The following LOXL3 variants were observed in gnomAD, a reference collection of about 807,000 sequenced individuals.
LOXL3 encodes lysyl oxidase homolog 3.
LOXL3 carries 60 observed loss-of-function variants against 91.8 expected under a neutral mutation model. The ratio of observed to expected loss-of-function variants is 0.65; its 90% CI spans 0.53 to 0.81. LOXL3 has a LOEUF of 0.81. Among genes scored for constraint, LOXL3 ranks in the 30% least tolerant of loss-of-function variants. The pLI is 0.00. For synonymous variants in LOXL3, 355 were observed against 387.6 expected, an observed-to-expected ratio of 0.92 and a Z score of 0.99; for missense variants, 874 against 1,000.4, an observed-to-expected ratio of 0.87 and a Z score of 1.70.
rs377049786 is a variant in LOXL3 at position 74,536,738 on chromosome 2, T to C, written c.883A>G (p.Lys295Glu). The change falls in exon 5 of 14, where the codon AAG becomes GAG. Residue 295 changes from lysine to glutamate, a missense_variant. Transcript: ENST00000264094. The surrounding 1 kb of genome is among the most constrained non-coding windows in gnomAD (Gnocchi z 4.5). ...PVYAASSGQK[K>E]QQQSKPQGEA... ...CCCTGAGGCTTCGACTGTTGTTGCTTCTTCTGGCCACTGGATGCCGCGTAG... is the reference window on the plus strand; with the variant it reads ...CCCTGAGGCTTCGACTGTTGTTGCTCCTTCTGGCCACTGGATGCCGCGTAG... 6.2e-7 allele frequency: 1 copy of C among 1,614,012 alleles called. No individual in the cohort carries two copies. The highest frequency in any genetic ancestry group is 1.3e-5 in the African/African-American group (1 of 74,926).
chr2:74,543,266 CTCTT>C (rs1465543921), intron 4 of LOXL3, among the ~76,000 whole-genome samples: 2 of 152,174 alleles, frequency 1.3e-5, no homozygotes, highest in East Asian at 3.8e-4. Flanking sequence ...ATTTGTGGAG[CTCTT>C]TCTTAGGCAT....
At chr2:74,540,023 A>G (rs1573011323) in intron 4 of LOXL3, among the ~76,000 whole-genome samples, 3 of 151,914 alleles carry the variant, frequency 2.0e-5, no homozygotes, top group East Asian at 3.9e-4. Flanking sequence ...TTTTTTTTGT[A>G]TTTTTAGTAG....
chr2:74,555,335 C>G (rs1677358171), upstream of LOXL3: 1 of 1,613,832 alleles, frequency 6.2e-7, no homozygotes, highest in Admixed American at 1.7e-5. This position sits in a 1 kb window ranked among gnomAD's most constrained non-coding sequence, Gnocchi z 6.1. Flanking sequence ...GTGGAGACCC[C>G]CCCTGAGCCC....
intron 4 of LOXL3, among the ~76,000 whole-genome samples, chr2:74,540,781 C>G (rs543296690): frequency 4.6e-5 from 7 of 151,212 alleles, no homozygotes; most frequent in Non-Finnish European, 1.0e-4. Flanking sequence ...ATTCTCCCAC[C>G]TCAGCCTTCT....
In LOXL3 at chr2:74,535,617, C is replaced by A; in HGVS notation, c.1387G>T (p.Gly463Cys). Reference sequence around the variant, plus strand: ...AGGCCGTGGTTGGCGTAGCCCAGACCCAGTTGCCTACAGGCCACCATGGCC... The same window carrying A: ...AGGCCGTGGTTGGCGTAGCCCAGACACAGTTGCCTACAGGCCACCATGGCC... ...LEAMVACRQL[G>C]LGYANHGLQE... Residue 463 changes from glycine to cysteine, a missense_variant, in exon 8 of 14, where the codon GGT becomes TGT. Gly to Cys is a radical substitution (Grantham distance 159, BLOSUM62 -3). Coordinates refer to ENST00000264094, the MANE Select transcript of LOXL3 (RefSeq NM_032603.5). The surrounding 1 kb of genome is among the most constrained non-coding windows in gnomAD (Gnocchi z 4.2). 1.9e-6 allele frequency: 3 copies of A among 1,614,138 alleles called. No individual in the cohort carries two copies. The highest frequency in any genetic ancestry group is 2.5e-6 in the Non-Finnish European group (3 of 1,180,034).
At chr2:74,554,480 AG>A, upstream of LOXL3, 1 of 521,590 alleles carries the variant, frequency 1.9e-6, no homozygotes, top group Non-Finnish European at 3.4e-6. This position sits in a 1 kb window ranked among gnomAD's most constrained non-coding sequence, Gnocchi z 4.9. Flanking sequence ...CCACGCCCAG[AG>A]GCCAGGGCCC....
intron 1 of LOXL3, 47 bp from the exon 2 acceptor site, chr2:74,552,693 G>A (rs1018437306): frequency 2.1e-6 from 3 of 1,429,990 alleles, no homozygotes; most frequent in Non-Finnish European, 2.8e-6. Flanking sequence ...CAGATTGAGT[G>A]GGGCCCAGAG....
rs374812610 is a variant in LOXL3, at chr2:74,533,591, A to G, written c.*15T>C. ...CCATTAGGGGCCAGTGGTGGTTTGCAGAGGGCAGTGGCACTTAGATAATCT... is the reference window on the plus strand; with the variant it reads ...CCATTAGGGGCCAGTGGTGGTTTGCGGAGGGCAGTGGCACTTAGATAATCT... On this transcript the variant is annotated 3_prime_UTR_variant, in exon 14 of 14. Transcript: ENST00000264094. 1.5e-5 allele frequency: 25 copies of G among 1,613,178 alleles called. No individual in the cohort carries two copies. Among genetic ancestry groups the G allele is most frequent in the Non-Finnish European group, 2.1e-5 (25 of 1,179,382 alleles).
rs1485405733 is a variant in LOXL3 at position 74,536,480 on chromosome 2, G to T, written c.913-9C>A. ...TTTAGACGGACACGGGCCTATAGAA[G>T]AGAGAAGTGCCCAACAGAGGCAAAT... On this transcript the variant is annotated splice_polypyrimidine_tract_variant and intron_variant, in intron 5 of 13. Transcript: ENST00000264094. This position sits in a 1 kb window ranked among gnomAD's most constrained non-coding sequence, Gnocchi z 4.5. 1 of 1,609,688 alleles carries T rather than the reference G, an allele frequency of 6.2e-7. No homozygotes were observed.
Position 74,552,515 on chromosome 2 carries a change from C to T in LOXL3, c.120G>A (p.Gln40=), listed in dbSNP as rs1436405767. 1.2e-6 allele frequency: 2 copies of T among 1,613,536 alleles called. No homozygotes were observed. The highest frequency in any genetic ancestry group is 1.7e-6 in the Non-Finnish European group (2 of 1,179,922). Residue 40 remains glutamine (Q), a synonymous_variant, in exon 2 of 14, where the codon CAG becomes CAA. Transcript: ENST00000264094. ...AGCCAGCCAGCCGGAACCGAAGCCC[C>T]TGGCTCCCGGCCTTCTTCTCAGGGC... is the stretch of plus-strand genomic sequence containing the variant. ...STGPEKKAGS[Q]GLRFRLAGFP...
chr2:74,541,526 T>C (rs554170129), intron 4 of LOXL3, among the ~76,000 whole-genome samples: 5 of 152,324 alleles, frequency 3.3e-5, no homozygotes, highest in East Asian at 3.9e-4. Flanking sequence ...TACTGAGACA[T>C]TGCTAATAGT....
At chr2:74,553,343 C>T (rs950632243) in intron 1 of LOXL3, among the ~76,000 whole-genome samples, 2 of 152,208 alleles carry the variant, frequency 1.3e-5, no homozygotes, top group African/African-American at 4.8e-5. Flanking sequence ...TGCTGCACGC[C>T]CTCCCCAACA....
Position 74,536,579 on chromosome 2 carries a change from C to G in LOXL3, c.913-108G>C. 7.0e-7 allele frequency: 1 copy of G among 1,438,446 alleles called. No individual in the cohort carries two copies. Among genetic ancestry groups the G allele is most frequent in the Non-Finnish European group, 9.5e-7 (1 of 1,048,410 alleles). The allele number at this position is 1,438,446 out of a possible 1,614,324, so 89.1% of individuals were successfully genotyped here. A position where few individuals can be genotyped will look rare whatever the true frequency, so the allele number is the denominator to read the frequency against. On this transcript the variant is annotated intron_variant, in intron 5 of 13. Coordinates refer to ENST00000264094, the MANE Select transcript of LOXL3 (RefSeq NM_032603.5). The surrounding 1 kb of genome is among the most constrained non-coding windows in gnomAD (Gnocchi z 4.5). ...TTTGGTGGAAGGGAGTGGGTGGTAT[C>G]AGGTCTGTGGCCCACCCCCTGGAAG...
chr2:74,550,417 G>A, intron 2 of LOXL3, 69 bp from the exon 3 acceptor site: 1 of 1,529,302 alleles, frequency 6.5e-7, no homozygotes, highest in Non-Finnish European at 8.9e-7. Context: ...GGGGATGTAG[G>A]GAAGAGTGAG....
In LOXL3 at chr2:74,533,660, C is replaced by A; in HGVS notation, c.2208G>T (p.Glu736Asp). 6.2e-7 allele frequency: 1 copy of A among 1,613,954 alleles called. No individual in the cohort carries two copies. The highest frequency in any genetic ancestry group is 8.5e-7 in the Non-Finnish European group (1 of 1,179,990). ...NCHIGDAFSE[E>D]ANRRFERYPG... ...GGTAGCGTTCAAACCTCCTGTTGGC[C>A]TCTTCACTGAAGGCATCACCTGCAG... Residue 736 changes from glutamate (E) to aspartate (D), a missense_variant, in exon 14 of 14, where the codon GAG becomes GAT. Glu to Asp is a conservative substitution (Grantham distance 45). Coordinates refer to ENST00000264094, the MANE Select transcript of LOXL3 (RefSeq NM_032603.5).
In LOXL3 at chr2:74,535,389, C is replaced by A; in HGVS notation, c.1482G>T (p.Gly494=). 1 of 1,614,098 alleles carries A rather than the reference C, an allele frequency of 6.2e-7. No homozygotes were observed. The highest frequency in any genetic ancestry group is 1.1e-5 in the South Asian group (1 of 91,084). The change falls in exon 9 of 14, where the codon GGG becomes GGT. Residue 494 remains glycine (G), a synonymous_variant. Transcript: ENST00000264094. This position sits in a 1 kb window ranked among gnomAD's most constrained non-coding sequence, Gnocchi z 4.2. ...EVVMSGVRCT[G]TELSLDQCAH... The stretch of plus-strand genomic sequence containing the variant: ...CACACTGATCCAGGGACAGCTCAGT[C>A]CCTGTGCAGCGCACTCCACTCATCA...
At chr2:74,554,702 C>CGCCCCGCCTCCCGCCTCCT, upstream of LOXL3, 1 of 1,587,080 alleles carries the variant, frequency 6.3e-7, no homozygotes, top group Non-Finnish European at 8.6e-7. The surrounding 1 kb of genome is among the most constrained non-coding windows in gnomAD (Gnocchi z 4.9). Flanking sequence ...CCCCGCCTCC[C>CGCCCCGCCTCCCGCCTCCT]GCCCCGCCTC....
In LOXL3 at chr2:74,549,158, T is replaced by A; in HGVS notation, c.692+211A>T. 1 of 459,372 alleles carries A rather than the reference T, an allele frequency of 2.2e-6. No individual in the cohort carries two copies. Among genetic ancestry groups the A allele is most frequent in the Non-Finnish European group, 3.7e-6 (1 of 272,378 alleles). The allele number at this position is 459,372 out of a possible 1,614,324, so 28.5% of individuals were successfully genotyped here. On this transcript the variant is annotated intron_variant, in intron 4 of 13. Transcript: ENST00000264094. This position sits in a 1 kb window ranked among gnomAD's most constrained non-coding sequence, Gnocchi z 5.3. ...GGCCACGAGAGAGCGGGAGCCTCGC[T>A]GGTCCCCATTTCAGGTACTCCCTTG...
At chr2:74,555,549 G>T (rs774479122), upstream of LOXL3, 3 of 1,613,102 alleles carry the variant, frequency 1.9e-6, no homozygotes, top group South Asian at 3.3e-5. This position sits in a 1 kb window ranked among gnomAD's most constrained non-coding sequence, Gnocchi z 6.1. Context: ...AGGAAATTAC[G>T]GGTTTCTCGA....
Sources: gnomAD v4.1 joint callset for allele counts (sites outside exome capture counted in the v4.1 genomes callset) on GRCh38, gnomAD v4.1.1 for gene constraint, Gnocchi (gnomAD v3.1) non-coding constraint, MANE v1.5 for transcripts, NCBI Gene and HGNC (gene_info 2026-07-23, HGNC 2026-07-21) for gene names.